GRHL1: variants seen among roughly 807,000 people sequenced by gnomAD.
GRHL1 encodes the protein grainyhead like transcription factor 1, also known as grainyhead-like protein 1 homolog.
GRHL1 carries 38 observed loss-of-function variants against 75.7 expected under a neutral mutation model. The ratio of observed to expected loss-of-function variants is 0.50; its 90% CI spans 0.39 to 0.66. The LOEUF is 0.66. Among genes scored for constraint, GRHL1 ranks in the 30% least tolerant of loss-of-function variants. GRHL1 has a pLI of 0.00. For missense variants in GRHL1, 589 were observed against 767.5 expected, an observed-to-expected ratio of 0.77 and a Z score of 2.75; for synonymous variants, 266 against 279.4, an observed-to-expected ratio of 0.95 and a Z score of 0.48.
chr2:9,992,484 T>A lies in GRHL1; in HGVS notation c.1461+338T>A, dbSNP rs1417895999. ...AGCCTGTCATCTTTTTAAACTTAAC[T>A]TGGGGCAATACCTAGGTTAAGGAGC... On this transcript the variant is annotated intron_variant, in intron 11 of 15. Transcript: ENST00000324907. The surrounding 1 kb of genome is among the most constrained non-coding windows in gnomAD (Gnocchi z 4.6). Among the ~76,000 whole-genome samples the A allele has an allele frequency of 6.6e-6, 1 of 152,142 alleles. No homozygotes were observed. Among genetic ancestry groups the A allele is most frequent in the East Asian group, 1.9e-4 (1 of 5,198 alleles).
intron 8 of GRHL1, among the ~76,000 whole-genome samples, chr2:9,985,452 C>A (rs1340094252): frequency 6.6e-6 from 1 of 152,180 alleles, no homozygotes; most frequent in Non-Finnish European, 1.5e-5. Flanking sequence ...AAGACCCTTG[C>A]ACTGATATTT....
At position 10,001,089 on chromosome 2, in the gene GRHL1, A is replaced by C. The variant is rs1481703271; in HGVS notation, c.*382A>C. 6.4e-6 allele frequency: 1 copy of C among 156,534 alleles called. No individual in the cohort carries two copies. The highest frequency in any genetic ancestry group is 2.4e-5 in the African/African-American group (1 of 41,574). 9.7% of individuals were successfully genotyped at this position (156,534 alleles called of 1,614,324 possible). On this transcript the variant is annotated 3_prime_UTR_variant, in exon 16 of 16. Coordinates refer to ENST00000324907, the MANE Select transcript of GRHL1 (RefSeq NM_198182.3). ...TGTCGTGGGCCTGCTCGCTAGCAGA[A>C]GTCAGAAAAGGCGATAGGCTTGGCT...
At chr2:9,958,096 C>T (rs568041018) in intron 2 of GRHL1, among the ~76,000 whole-genome samples, 18 of 151,886 alleles carry the variant, frequency 1.2e-4, no homozygotes, top group South Asian at 2.1e-4. Flanking sequence ...GGAAGAGCTC[C>T]GTTGTGTTTT....
chr2:9,990,310 C>A lies in GRHL1; in HGVS notation c.1270-386C>A, dbSNP rs1668586144. Among the ~76,000 whole-genome samples, 1 of 152,058 alleles carries A rather than the reference C, an allele frequency of 6.6e-6. No homozygotes were observed. Among genetic ancestry groups the A allele is most frequent in the Non-Finnish European group, 1.5e-5 (1 of 68,010 alleles). On this transcript the variant is annotated intron_variant, in intron 9 of 15. Transcript: ENST00000324907. The surrounding 1 kb of genome is among the most constrained non-coding windows in gnomAD (Gnocchi z 4.2). Reference sequence around the variant, plus strand: ...GGACTACAGGTGCCCGCTACCACGCCTGGCTAATTTTTGTATTTTTAGTAG... The same window carrying A: ...GGACTACAGGTGCCCGCTACCACGCATGGCTAATTTTTGTATTTTTAGTAG...
intron 2 of GRHL1, among the ~76,000 whole-genome samples, chr2:9,956,918 T>C (rs1053974904): frequency 1.3e-5 from 2 of 152,166 alleles, no homozygotes; most frequent in African/African-American, 2.4e-5. Context: ...CTCATGTCTG[T>C]CCATGAAGGG....
chr2:9,980,784 T>G (rs373297244), intron 8 of GRHL1, among the ~76,000 whole-genome samples: 13 of 152,384 alleles, frequency 8.5e-5, no homozygotes, highest in Non-Finnish European at 1.6e-4. Flanking sequence ...TTCAGCCTAC[T>G]CCGATTCTGA....
intron 8 of GRHL1, among the ~76,000 whole-genome samples, chr2:9,979,695 T>C (rs542304352): frequency 1.3e-5 from 2 of 152,370 alleles, no homozygotes; most frequent in Admixed American, 6.5e-5. Context: ...TATTTTCTTA[T>C]AGGTGAATGA....
Position 10,001,052 on chromosome 2 carries a change from T to A in GRHL1, c.*345T>A, listed in dbSNP as rs1349856807. The A allele has an allele frequency of 6.0e-6, 1 of 168,050 alleles. No homozygotes were observed. Among genetic ancestry groups the A allele is most frequent in the African/African-American group, 2.4e-5 (1 of 42,012 alleles). 10.4% of individuals were successfully genotyped at this position (168,050 alleles called of 1,614,324 possible). A position where few individuals can be genotyped will look rare whatever the true frequency, so the allele number is the denominator to read the frequency against. On this transcript the variant is annotated 3_prime_UTR_variant, in exon 16 of 16. Transcript: ENST00000324907. ...TTATCAAAATATTGGGATCTCTGCC[T>A]TGTGCCTACAGTGTCGTGGGCCTGC...
intron 8 of GRHL1, among the ~76,000 whole-genome samples, chr2:9,985,214 G>A (rs1190547787): frequency 6.6e-6 from 1 of 152,198 alleles, no homozygotes; most frequent in African/African-American, 2.4e-5. Context: ...TAGAACTGTT[G>A]CTTAAGGAAT....
At chr2:9,981,882 G>C (rs376742319) in intron 8 of GRHL1, among the ~76,000 whole-genome samples, 2 of 152,332 alleles carry the variant, frequency 1.3e-5, no homozygotes, top group African/African-American at 4.8e-5. Flanking sequence ...GCTTTGTCCT[G>C]TGGTTCAGAG....
intron 2 of GRHL1, among the ~76,000 whole-genome samples, chr2:9,956,137 T>G (rs1262162182): frequency 6.6e-6 from 1 of 152,218 alleles, no homozygotes; most frequent in African/African-American, 2.4e-5. Context: ...TTAAAAACTT[T>G]CAAACCTGCA....
At chr2:9,994,799 G>A (rs1558316351) in intron 12 of GRHL1, among the ~76,000 whole-genome samples, 1 of 152,142 alleles carries the variant, frequency 6.6e-6, no homozygotes, top group Non-Finnish European at 1.5e-5. Context: ...GACCCTCCAT[G>A]CCAGGTGCCC....
chr2:9,965,135 G>A (rs1667435959), intron 7 of GRHL1, 152 bp from the exon 8 acceptor site: 8 of 526,458 alleles, frequency 1.5e-5, no homozygotes, highest in South Asian at 6.5e-5. Flanking sequence ...CTTTTTCTTC[G>A]TATTTTGAAC....
intron 2 of GRHL1, among the ~76,000 whole-genome samples, chr2:9,957,430 T>C (rs1031305739): frequency 6.7e-5 from 10 of 149,762 alleles, no homozygotes; most frequent in African/African-American, 7.4e-5. Flanking sequence ...TTTTTTTTGA[T>C]ACAGAGTCTC....
chr2:9,983,273 C>T (rs1457977590), intron 8 of GRHL1, among the ~76,000 whole-genome samples: 10 of 151,928 alleles, frequency 6.6e-5, no homozygotes, highest in Admixed American at 6.6e-4. Flanking sequence ...TCACCTTCTC[C>T]TGGGATGTTT....
At chr2:9,976,795 C>T (rs1337479055) in intron 8 of GRHL1, among the ~76,000 whole-genome samples, 1 of 152,106 alleles carries the variant, frequency 6.6e-6, no homozygotes, top group Non-Finnish European at 1.5e-5. Flanking sequence ...AGGGGTGAAG[C>T]AACTTTTGCC....
chr2:9,963,767 G>C, intron 5 of GRHL1, 119 bp from the exon 6 acceptor site: 1 of 659,050 alleles, frequency 1.5e-6, no homozygotes, highest in Non-Finnish European at 2.5e-6. Flanking sequence ...TAGCTGCTGA[G>C]TACTTTTGTT....
chr2:9,980,798 G>A (rs1273601284), intron 8 of GRHL1, among the ~76,000 whole-genome samples: 1 of 152,234 alleles, frequency 6.6e-6, no homozygotes, highest in African/African-American at 2.4e-5. Context: ...ATTCTGAAAT[G>A]GGGCTTTTTA....
At chr2:9,964,409 A>G (rs540429034) in intron 7 of GRHL1, 63 bp downstream of exon 7, 42 of 902,142 alleles carry the variant, frequency 4.7e-5, no homozygotes, top group Non-Finnish European at 6.7e-5. Context: ...TCTAAATCCA[A>G]TTATTTTTGG....
Sources: gnomAD v4.1 joint callset for allele counts (sites outside exome capture counted in the v4.1 genomes callset) on GRCh38, gnomAD v4.1.1 for gene constraint, Gnocchi (gnomAD v3.1) non-coding constraint, MANE v1.5 for transcripts, NCBI Gene and HGNC (gene_info 2026-07-23, HGNC 2026-07-21) for gene names.